The following NCOA7 variants were observed in gnomAD, a reference collection of about 807,000 sequenced individuals.
NCOA7 encodes the protein nuclear receptor coactivator 7, also known as 140 kDa estrogen receptor-associated protein.
In NCOA7, 45 loss-of-function variants were observed where a neutral mutation model predicts 104.3. The observed-to-expected ratio is 0.43, with a 90% confidence interval of 0.34 to 0.55. The LOEUF (loss-of-function observed/expected upper bound fraction) is 0.55, where lower values mean the gene tolerates loss of function less well. NCOA7 is among the 20% of genes least tolerant of loss of function. The pLI, the probability that NCOA7 is intolerant of heterozygous loss-of-function variation, is 0.02. For synonymous variants in NCOA7, 398 were observed against 402.3 expected (o/e 0.99, Z 0.13); for missense variants, 1,041 against 1,119.7 (o/e 0.93, Z 1.00).
At position 125,920,866 on chromosome 6, in the gene NCOA7, C is replaced by G. The variant is rs1435412724; in HGVS notation, c.2245-77C>G. On this transcript the variant is annotated intron_variant, in intron 11 of 15. Transcript: ENST00000392477. Reference sequence around the variant, plus strand: ...CGTCACCTTTTCAAGCACGGGTGTCCCTAGAGTGATTTTTTAAATTAGCAG... The same window carrying G: ...CGTCACCTTTTCAAGCACGGGTGTCGCTAGAGTGATTTTTTAAATTAGCAG... 1.9e-6 allele frequency: 3 copies of G among 1,558,426 alleles called. No homozygotes were observed. The Admixed American group carries it at 5.2e-5, about 27-fold the overall frequency.
chr6:125,918,784 A>T (rs1333954361), intron 11 of NCOA7, among the ~76,000 whole-genome samples: 1 of 152,202 alleles, frequency 6.6e-6, no homozygotes, highest in Non-Finnish European at 1.5e-5. Flanking sequence ...TCCCACCAAC[A>T]AACATGACAT....
At chr6:125,869,748 A>G (rs7754833) in intron 3 of NCOA7, among the ~76,000 whole-genome samples, 47,252 of 152,088 alleles carry the variant, frequency 0.31, 8,967 homozygotes, top group East Asian at 0.51. Context: ...GCTGGTTCGG[A>G]GAAAAACCAG....
At chr6:125,814,867 C>G (rs2128571377) in intron 1 of NCOA7, among the ~76,000 whole-genome samples, 1 of 152,188 alleles carries the variant, frequency 6.6e-6, no homozygotes, top group South Asian at 2.1e-4. Flanking sequence ...AAAAAACATT[C>G]TTGTAAAACA....
In NCOA7 at chr6:125,930,023, T is replaced by C. The variant is rs771009199; in HGVS notation, c.*1252T>C. On this transcript the variant is annotated 3_prime_UTR_variant, in exon 16 of 16. Transcript: ENST00000392477. ...TTGGAATAGAAAGGAAAACCTATTT[T>C]TAAGATATCAACCTATTTTCACATC... 2.0e-5 allele frequency: 3 copies of C among 152,180 alleles called. No homozygotes were observed. The highest frequency in any genetic ancestry group is 4.4e-5 in the Non-Finnish European group (3 of 68,028). 9.4% of individuals were successfully genotyped at this position (152,180 alleles called of 1,614,324 possible).
At chr6:125,793,443 A>T (rs1775030562) in intron 1 of NCOA7, among the ~76,000 whole-genome samples, 1 of 152,220 alleles carries the variant, frequency 6.6e-6, no homozygotes, top group South Asian at 2.1e-4. Context: ...TCACAGTCAA[A>T]TAAAAGCTCT....
At chr6:125,809,841 T>C (rs568213806) in intron 1 of NCOA7, among the ~76,000 whole-genome samples, 28 of 152,238 alleles carry the variant, frequency 1.8e-4, no homozygotes, top group African/African-American at 6.5e-4. Context: ...ATACTGCTGT[T>C]TTTCTAGTCC....
intron 1 of NCOA7, among the ~76,000 whole-genome samples, chr6:125,785,195 G>A (rs888693126): frequency 3.3e-5 from 5 of 152,070 alleles, no homozygotes; most frequent in Admixed American, 6.5e-5. Context: ...AAAACTAGCC[G>A]GGTGTGGTGG....
chr6:125,905,204 T>C (rs1441052463), intron 10 of NCOA7, among the ~76,000 whole-genome samples: 1 of 151,956 alleles, frequency 6.6e-6, no homozygotes, highest in Non-Finnish European at 1.5e-5. Flanking sequence ...TTACAGTGGA[T>C]GATCTTTGAG....
intron 8 of NCOA7, among the ~76,000 whole-genome samples, chr6:125,887,697 G>A (rs1204180246): frequency 6.6e-6 from 1 of 152,130 alleles, no homozygotes; most frequent in Non-Finnish European, 1.5e-5. Flanking sequence ...AACCATTTAT[G>A]TCAAAGCCAA....
At position 125,864,024 on chromosome 6, in the gene NCOA7, G is replaced by C. The variant is rs374230726; in HGVS notation, c.271+8784G>C. ...GAGTGATGTGGTCAGGTTTTTTTGG[G>C]GGGGGCAGTTTGGCTGTTTTTATCA... is the stretch of plus-strand genomic sequence containing the variant. On this transcript the variant is annotated intron_variant, in intron 3 of 15. Transcript: ENST00000392477. Among the ~76,000 whole-genome samples, 37 of 136,484 alleles carry C rather than the reference G, an allele frequency of 2.7e-4. 5 individuals carry two copies. Among genetic ancestry groups the C allele is most frequent in the Middle Eastern group, 7.4e-3 (2 of 270 alleles). The allele number at this position is 136,484 out of a possible 152,430, so 89.5% of individuals were successfully genotyped here. A position where few individuals can be genotyped will look rare whatever the true frequency, so the allele number is the denominator to read the frequency against.
intron 2 of NCOA7, among the ~76,000 whole-genome samples, chr6:125,825,704 G>C (rs1778601161): frequency 2.6e-5 from 4 of 152,152 alleles, no homozygotes; most frequent in Admixed American, 2.6e-4. Context: ...TGGGGACTGA[G>C]CAATTTCCAT....
chr6:125,804,094 G>C (rs987301971), intron 1 of NCOA7, among the ~76,000 whole-genome samples: 1 of 152,178 alleles, frequency 6.6e-6, no homozygotes, highest in Non-Finnish European at 1.5e-5. Flanking sequence ...TGGATAATGA[G>C]ATTGAGTTCT....
chr6:125,844,773 A>G (rs924810585), intron 2 of NCOA7, among the ~76,000 whole-genome samples: 3 of 152,160 alleles, frequency 2.0e-5, no homozygotes, highest in African/African-American at 7.2e-5. Context: ...TTTGTCACAT[A>G]CCTTCTTTTT....
chr6:125,889,288 G>T lies in NCOA7; in HGVS notation c.1234G>T (p.Glu412Ter). 6.2e-7 allele frequency: 1 copy of T among 1,614,108 alleles called. No individual in the cohort carries two copies. The highest frequency in any genetic ancestry group is 8.5e-7 in the Non-Finnish European group (1 of 1,179,996). Residue 412 changes from glutamate (E) to a stop codon, truncating the protein, a stop_gained, in exon 9 of 16, where the codon GAA becomes TAA. Coordinates refer to ENST00000392477, the MANE Select transcript of NCOA7 (RefSeq NM_181782.5). LOFTEE classifies it high-confidence loss of function. ...TACAGCCAAAGAAAACTTTCTAGGG[G>T]AAGATGATGATTTTGTTGACTTGGA... ...ESTAKENFLG[E>*]DDDFVDLEEL... is the part of the protein sequence containing the mutation.
chr6:125,849,203 T>C (rs1055597367), intron 2 of NCOA7, among the ~76,000 whole-genome samples: 1 of 152,172 alleles, frequency 6.6e-6, no homozygotes, highest in African/African-American at 2.4e-5. Flanking sequence ...ATGATTTCTT[T>C]AGCAGGAGCC....
At chr6:125,797,037 T>G (rs1239560183) in intron 1 of NCOA7, among the ~76,000 whole-genome samples, 1 of 152,216 alleles carries the variant, frequency 6.6e-6, no homozygotes, top group Admixed American at 6.5e-5. Context: ...AAAAATAGCT[T>G]TGGTATTTAT....
intron 2 of NCOA7, among the ~76,000 whole-genome samples, chr6:125,819,635 T>G (rs1749580513): frequency 6.6e-6 from 1 of 152,232 alleles, no homozygotes; most frequent in Non-Finnish European, 1.5e-5. Context: ...AAAAACTGAA[T>G]TACTAAAGCA....
At chr6:125,825,911 TAC>T (rs1250716001) in intron 2 of NCOA7, among the ~76,000 whole-genome samples, 3 of 152,348 alleles carry the variant, frequency 2.0e-5, no homozygotes, top group African/African-American at 7.2e-5. Context: ...AACAGGTATA[TAC>T]ACACACATAC....
intron 2 of NCOA7, among the ~76,000 whole-genome samples, chr6:125,847,406 A>G (rs1301343132): frequency 2.0e-5 from 3 of 152,248 alleles, no homozygotes; most frequent in African/African-American, 7.2e-5. Flanking sequence ...TGTAGTAACT[A>G]TCGGTGACTG....
Sources: allele counts gnomAD v4.1 joint callset (sites outside exome capture counted in the v4.1 genomes callset), GRCh38; gene constraint gnomAD v4.1.1; transcripts MANE v1.5; gene names NCBI Gene and HGNC (gene_info 2026-07-23, HGNC 2026-07-21).